The following ILKAP variants were observed in gnomAD, a reference collection of about 807,000 sequenced individuals.
The protein encoded by ILKAP is integrin-linked kinase-associated serine/threonine phosphatase 2C.
ILKAP carries 11 observed loss-of-function variants against 49.1 expected under a neutral mutation model. The observed-to-expected ratio is 0.22, with a 90% CI of 0.14 to 0.37. The LOEUF is 0.37. Among genes scored for constraint, ILKAP ranks in the 10% least tolerant of loss-of-function variants. The pLI is 1.00. For synonymous variants in ILKAP, 186 were observed against 192.8 expected, an observed-to-expected ratio of 0.96 and a Z score of 0.29; for missense variants, 363 against 510.8, an observed-to-expected ratio of 0.71 and a Z score of 2.79.
At chr2:238,173,383 G>A in intron 10 of ILKAP, 151 bp downstream of exon 10, 1 of 981,394 alleles carries the variant, frequency 1.0e-6, no homozygotes, top group Non-Finnish European at 1.5e-6. Flanking sequence ...GACCCCACCA[G>A]AGCAGAAACC....
intron 9 of ILKAP, among the ~76,000 whole-genome samples, chr2:238,179,917 C>T (rs571377890): frequency 2.0e-5 from 3 of 152,272 alleles, no homozygotes; most frequent in Non-Finnish European, 4.4e-5. Context: ...GGTGCAGTGG[C>T]TCACACCTGT....
chr2:238,183,596 A>C, intron 8 of ILKAP, 57 bp downstream of exon 8: 1 of 1,221,182 alleles, frequency 8.2e-7, no homozygotes, highest in East Asian at 2.3e-5. Flanking sequence ...TACGTGCTAA[A>C]GTCTTTTCCC....
At chr2:238,173,986 G>C (rs6749351) in intron 9 of ILKAP, 10,173 of 246,768 alleles carry the variant, frequency 0.041, 568 homozygotes, top group East Asian at 0.13. Context: ...GGATTTGACT[G>C]ACTGGGTAAG....
intron 10 of ILKAP, among the ~76,000 whole-genome samples, chr2:238,171,784 G>A (rs908879716): frequency 2.0e-5 from 3 of 152,188 alleles, no homozygotes; most frequent in Admixed American, 6.5e-5. Flanking sequence ...GCTTGGGGCT[G>A]CATCCAAGAC....
At chr2:238,196,171 G>A (rs1486948558) in intron 1 of ILKAP, among the ~76,000 whole-genome samples, 1 of 129,024 alleles carries the variant, frequency 7.8e-6, no homozygotes, top group Non-Finnish European at 1.5e-5. Context: ...TTCGCTCACT[G>A]CCTCCACCTC....
chr2:238,187,479 A>G (rs1036958349), intron 5 of ILKAP, among the ~76,000 whole-genome samples: 2 of 124,788 alleles, frequency 1.6e-5, no homozygotes, highest in African/African-American at 5.4e-5. Context: ...GTATGTTTAC[A>G]GCCAACTTAA....
At chr2:238,190,081 A>T in intron 3 of ILKAP, 109 bp from the exon 4 acceptor site, 1 of 1,186,066 alleles carries the variant, frequency 8.4e-7, no homozygotes, top group Admixed American at 2.6e-5. Context: ...ATTTGAAGCA[A>T]GGACTGGCAG....
At chr2:238,184,275 C>T (rs960891779) in intron 6 of ILKAP, among the ~76,000 whole-genome samples, 162 bp from the exon 7 acceptor site, 6 of 152,184 alleles carry the variant, frequency 3.9e-5, no homozygotes, top group Admixed American at 1.3e-4. Flanking sequence ...CTGCAACCTC[C>T]GCCTCCCAGG....
Position 238,189,926 on chromosome 2 carries a change from T to C in ILKAP, c.225A>G (p.Lys75=), listed in dbSNP as rs1694052496. 1 of 1,613,998 alleles carries C rather than the reference T, an allele frequency of 6.2e-7. No homozygotes were observed. Among genetic ancestry groups the C allele is most frequent in the Non-Finnish European group, 8.5e-7 (1 of 1,179,866 alleles). ...SISQMVKTEG[K]GAKRKTSEEE... The stretch of plus-strand genomic sequence containing the variant: ...CCTCGGAGGTTTTTCTCTTTGCTCC[T>C]TTCCCTTCAGTCTTTACCATCTGGG... The change falls in exon 4 of 12, where the codon AAA becomes AAG. Residue 75 remains lysine, a synonymous_variant. Coordinates refer to ENST00000254654, the MANE Select transcript of ILKAP (RefSeq NM_030768.3).
chr2:238,170,405 G>GAA lies in ILKAP; in HGVS notation c.*129_*130dup. On this transcript the variant is annotated 3_prime_UTR_variant, in exon 12 of 12. Transcript: ENST00000254654. ...ACAGTATAATAACTCAAAAGACTAG[G>GAA]AAAAAAAAAGAGAAACCTTTATTTA... The GAA allele has an allele frequency of 1.0e-6, 1 of 999,474 alleles. No homozygotes were observed. The highest frequency in any genetic ancestry group is 1.5e-6 in the Non-Finnish European group (1 of 689,122). The allele number at this position is 999,474 out of a possible 1,614,324, so 61.9% of individuals were successfully genotyped here. A position where few individuals can be genotyped will look rare whatever the true frequency, so the allele number is the denominator to read the frequency against.
At chr2:238,198,360 T>C (rs1007052445) in intron 1 of ILKAP, among the ~76,000 whole-genome samples, 2 of 152,096 alleles carry the variant, frequency 1.3e-5, no homozygotes, top group Non-Finnish European at 2.9e-5. Context: ...CTCGTCAGAT[T>C]CCCGAGTAGC....
intron 3 of ILKAP, among the ~76,000 whole-genome samples, chr2:238,191,764 C>G (rs1467971952): frequency 2.0e-5 from 3 of 151,980 alleles, no homozygotes; most frequent in African/African-American, 7.3e-5. Flanking sequence ...AAAAAATTAG[C>G]CGGGCATGGT....
chr2:238,184,232 C>G (rs1261645840), intron 6 of ILKAP, 119 bp from the exon 7 acceptor site: 1 of 667,138 alleles, frequency 1.5e-6, no homozygotes, highest in African/African-American at 1.8e-5. Context: ...GTTCTGTCAC[C>G]AGGCTGGAAT....
intron 9 of ILKAP, among the ~76,000 whole-genome samples, chr2:238,181,478 A>C (rs189552017): frequency 3.9e-5 from 6 of 152,362 alleles, no homozygotes; most frequent in African/African-American, 1.4e-4. Flanking sequence ...AGACAGAGCC[A>C]AGTAAGACAT....
At chr2:238,181,598 T>C (rs1036433442) in intron 9 of ILKAP, among the ~76,000 whole-genome samples, 3 of 151,914 alleles carry the variant, frequency 2.0e-5, no homozygotes, top group African/African-American at 4.8e-5. Flanking sequence ...ACTTATTCAA[T>C]GTGAAAAGTG....
chr2:238,189,711 T>C (rs573954690), intron 4 of ILKAP, 142 bp downstream of exon 4: 2 of 662,016 alleles, frequency 3.0e-6, no homozygotes, highest in African/African-American at 3.7e-5. Flanking sequence ...AACTTGGAAA[T>C]TCATTTGCAA....
intron 3 of ILKAP, 95 bp downstream of exon 3, chr2:238,194,180 C>A: frequency 9.2e-7 from 1 of 1,086,778 alleles, no homozygotes; most frequent in Non-Finnish European, 1.4e-6. Flanking sequence ...TTAATGTCAT[C>A]CAAAATCCCG....
chr2:238,185,349 A>C, intron 5 of ILKAP, 62 bp from the exon 6 acceptor site: 1 of 1,101,274 alleles, frequency 9.1e-7, no homozygotes, highest in Non-Finnish European at 1.4e-6. Context: ...TTTCCATTAA[A>C]GCTTTTAAAT....
intron 1 of ILKAP, among the ~76,000 whole-genome samples, chr2:238,201,630 G>A (rs1273126793): frequency 6.6e-6 from 1 of 152,210 alleles, no homozygotes; most frequent in Non-Finnish European, 1.5e-5. Context: ...CAACCTATGA[G>A]ATTCTGAGTT....
Sources: gnomAD v4.1 joint callset for allele counts (sites outside exome capture counted in the v4.1 genomes callset) on GRCh38, gnomAD v4.1.1 for gene constraint, MANE v1.5 for transcripts, NCBI Gene and HGNC (gene_info 2026-07-23, HGNC 2026-07-21) for gene names.